The following CNBD1 variants were observed in gnomAD, a reference collection of about 807,000 sequenced individuals.
The protein encoded by CNBD1 is cyclic nucleotide-binding domain-containing protein 1.
CNBD1 carries 71 observed loss-of-function variants against 54.4 expected under a neutral mutation model. The ratio of observed to expected loss-of-function variants is 1.30; its 90% CI spans 1.08 to 1.59. The LOEUF (loss-of-function observed/expected upper bound fraction) is 1.59, where lower values mean the gene tolerates loss of function less well. Among genes scored for constraint, CNBD1 ranks in the 40% most tolerant of loss-of-function variants. The pLI is 0.00. For synonymous variants in CNBD1, 182 were observed against 170.7 expected (o/e 1.07, Z -0.51); for missense variants, 659 against 518.0 (o/e 1.27, Z -2.64).
chr8:87,416,052 T>A (rs994475219), intron 2 of CNBD1, among the ~76,000 whole-genome samples: 4 of 151,798 alleles, frequency 2.6e-5, no homozygotes, highest in Non-Finnish European at 5.9e-5. Flanking sequence ...AGCTTTACTA[T>A]AAATAAGTTG....
chr8:87,202,232 T>C (rs1813878584), intron 4 of CNBD1, among the ~76,000 whole-genome samples: 1 of 152,050 alleles, frequency 6.6e-6, no homozygotes, highest in African/African-American at 2.4e-5. Context: ...CTGACTGAAT[T>C]CTGGGGAGCA....
At chr8:87,162,019 G>A (rs368661017) in intron 4 of CNBD1, among the ~76,000 whole-genome samples, 9 of 152,076 alleles carry the variant, frequency 5.9e-5, no homozygotes, top group East Asian at 5.8e-4. Flanking sequence ...TCAAACTTAC[G>A]TCTTGGTGTG....
intron 4 of CNBD1, among the ~76,000 whole-genome samples, chr8:87,000,193 AT>A (rs1212345106): frequency 1.3e-5 from 2 of 151,880 alleles, no homozygotes; most frequent in Admixed American, 6.6e-5. Context: ...TCATGGGGGC[AT>A]TTTTCCCCAT....
chr8:87,277,529 A>G (rs1808509152), intron 6 of CNBD1, among the ~76,000 whole-genome samples: 1 of 151,806 alleles, frequency 6.6e-6, no homozygotes, highest in Admixed American at 6.6e-5. Context: ...AGTAATATGT[A>G]GCTACAAATT....
chr8:87,229,241 C>G (rs60997513), intron 5 of CNBD1, among the ~76,000 whole-genome samples: 13,931 of 152,174 alleles, frequency 0.092, 1,964 homozygotes, highest in African/African-American at 0.3. Context: ...CTGTAGACCG[C>G]AGCTGTTCCT....
chr8:87,369,319 A>G (rs1810709989), intron 10 of CNBD1, among the ~76,000 whole-genome samples: 1 of 151,922 alleles, frequency 6.6e-6, no homozygotes, highest in South Asian at 2.1e-4. Flanking sequence ...TGTTTGAGTC[A>G]TCTATGTTCT....
rs949362421 is a variant in CNBD1 at position 87,133,734 on chromosome 8, T to A, written c.432-72259T>A. 3.6e-4 allele frequency among the ~76,000 whole-genome samples: 55 copies of A among 151,980 alleles called. 2 individuals are homozygous for A. In the East Asian group the frequency reaches 0.01, roughly 28 times the overall value. ...AGCATATTGCACAGAGAAGTGGATT[T>A]AAAATTTTTTTTATGAATGAGCTAT... is the stretch of plus-strand genomic sequence containing the variant. On this transcript the variant is annotated intron_variant, in intron 4 of 10. Coordinates refer to ENST00000518476, the MANE Select transcript of CNBD1 (RefSeq NM_173538.3).
intron 4 of CNBD1, among the ~76,000 whole-genome samples, chr8:87,087,642 A>G (rs1453529107): frequency 1.3e-5 from 2 of 149,820 alleles, no homozygotes; most frequent in Non-Finnish European, 1.5e-5. Flanking sequence ...TTTTTTTTGT[A>G]TTTTTAGTAG....
intron 10 of CNBD1, among the ~76,000 whole-genome samples, chr8:87,363,978 T>C (rs1810581079): frequency 6.6e-6 from 1 of 151,812 alleles, no homozygotes; most frequent in African/African-American, 2.4e-5. Flanking sequence ...GTTTTTTTTT[T>C]TTTAAACGAA....
Position 86,987,591 on chromosome 8 carries a change from G to A in CNBD1, c.431+47837G>A, listed in dbSNP as rs147515271. On this transcript the variant is annotated intron_variant, in intron 4 of 10. Coordinates refer to ENST00000518476, the MANE Select transcript of CNBD1 (RefSeq NM_173538.3). ...CCTTGTCTTGTTCCAGTTCTCAAGA[G>A]AAATGGTTTCAGTTTTTGCCAATTC... is the stretch of plus-strand genomic sequence containing the variant. 3.4e-3 allele frequency among the ~76,000 whole-genome samples: 523 copies of A among 152,272 alleles called. 4 individuals carry two copies. The highest frequency in any genetic ancestry group is 0.02 in the South Asian group (95 of 4,830).
intron 10 of CNBD1, among the ~76,000 whole-genome samples, chr8:87,379,350 G>T (rs1281618709): frequency 1.3e-5 from 2 of 151,800 alleles, no homozygotes; most frequent in South Asian, 2.1e-4. Context: ...AGGATACCCA[G>T]GAATTGAACT....
downstream of CNBD1, among the ~76,000 whole-genome samples, chr8:87,385,764 G>T (rs184719376): frequency 6.6e-6 from 1 of 152,172 alleles, no homozygotes; most frequent in Non-Finnish European, 1.5e-5. Flanking sequence ...GCTTTGAAGA[G>T]AGTAGTGGTT....
chr8:87,426,974 G>T (rs905599765), intron 2 of CNBD1, among the ~76,000 whole-genome samples: 2 of 152,076 alleles, frequency 1.3e-5, no homozygotes, highest in South Asian at 2.1e-4. Flanking sequence ...CCAACTGTTA[G>T]CTTCTTGAAT....
At chr8:87,284,839 T>G in intron 7 of CNBD1, 24 bp downstream of exon 7, 1 of 1,506,322 alleles carries the variant, frequency 6.6e-7, no homozygotes, top group East Asian at 2.5e-5. Flanking sequence ...TAATATTTTA[T>G]ATAAACAAAA....
chr8:87,298,314 G>C (rs1167404426), intron 8 of CNBD1, among the ~76,000 whole-genome samples: 1 of 151,852 alleles, frequency 6.6e-6, no homozygotes, highest in East Asian at 1.9e-4. Context: ...CAAGAAAATA[G>C]TATTAACTGC....
At chr8:87,186,571 A>G (rs1262947826) in intron 4 of CNBD1, among the ~76,000 whole-genome samples, 1 of 152,178 alleles carries the variant, frequency 6.6e-6, no homozygotes. Context: ...ACAGTTGTAT[A>G]CACTGCTGGG....
At chr8:87,367,740 G>C (rs1810669574) in intron 10 of CNBD1, among the ~76,000 whole-genome samples, 2 of 152,094 alleles carry the variant, frequency 1.3e-5, no homozygotes, top group Admixed American at 1.3e-4. Context: ...ATAAAGTATA[G>C]AAAGATTAAG....
chr8:87,158,303 G>A (rs944322720), intron 4 of CNBD1, among the ~76,000 whole-genome samples: 1 of 152,128 alleles, frequency 6.6e-6, no homozygotes, highest in Admixed American at 6.6e-5. Context: ...AAGTTCATGA[G>A]AAGATTAAGT....
intron 4 of CNBD1, among the ~76,000 whole-genome samples, chr8:87,094,773 C>T (rs1470493607): frequency 6.6e-6 from 1 of 152,208 alleles, no homozygotes; most frequent in Non-Finnish European, 1.5e-5. Flanking sequence ...TGCAGTGGCT[C>T]ACGCCTGTAA....
Sources: gnomAD v4.1 joint callset for allele counts (sites outside exome capture counted in the v4.1 genomes callset) on GRCh38, gnomAD v4.1.1 for gene constraint, MANE v1.5 for transcripts, NCBI Gene and HGNC (gene_info 2026-07-23, HGNC 2026-07-21) for gene names.